Variants in GLIS3 observed in about 807,000 individuals in gnomAD.
GLIS3 encodes GLIS family zinc finger 3.
Under a neutral mutation model 78.6 loss-of-function variants are expected in GLIS3, and 53 were observed. The observed-to-expected ratio is 0.67, with a 90% confidence interval of 0.54 to 0.85. GLIS3 has a LOEUF of 0.85. Ranked by LOEUF, GLIS3 falls within the 40% of genes least tolerant of loss-of-function variation. GLIS3 has a pLI of 0.00. For missense variants in GLIS3, 1,703 were observed against 1,231.1 expected (o/e 1.38, Z -5.74); for synonymous variants, 684 against 509.9 (o/e 1.34, Z -4.60).
rs575495107 is a variant in GLIS3 at position 4,288,691 on chromosome 9, AT to A, written c.-98-2169del. 1.1e-3 allele frequency among the ~76,000 whole-genome samples: 172 copies of A among 151,938 alleles called. 1 individual carries two copies. Among genetic ancestry groups the A allele is most frequent in the African/African-American group, 3.9e-3 (163 of 41,476 alleles). On this transcript the variant is annotated intron_variant, in intron 1 of 10. Coordinates refer to ENST00000381971, the MANE Select transcript of GLIS3 (RefSeq NM_001042413.2). The stretch of plus-strand genomic sequence containing the variant: ...TTGGAATGAATATTTATTTTATTTT[AT>A]TTTTTTTATAAACTACACTCCCGTT...
At chr9:4,414,865 A>G in the GLIS3 span, among the ~76,000 whole-genome samples, 1 of 151,596 alleles carries the variant, frequency 6.6e-6, no homozygotes, top group Non-Finnish European at 1.5e-5. Context: ...GAATCCTGTT[A>G]GGTCAGTTTA....
At chr9:3,854,707 T>A (rs1479696641) in intron 9 of GLIS3, among the ~76,000 whole-genome samples, 3 of 147,308 alleles carry the variant, frequency 2.0e-5, no homozygotes, top group Admixed American at 6.7e-5. Flanking sequence ...TGGCTAATTT[T>A]TTTTTTTTTT....
intron 4 of GLIS3, among the ~76,000 whole-genome samples, chr9:4,065,249 G>C (rs1370022445): frequency 6.6e-6 from 1 of 152,124 alleles, no homozygotes; most frequent in Admixed American, 6.5e-5. Flanking sequence ...ACCCTCCACA[G>C]AGCCCTGCTG....
chr9:3,937,274 G>C (rs1393889180), intron 4 of GLIS3, 85 bp from the exon 5 acceptor site: 9 of 1,398,110 alleles, frequency 6.4e-6, no homozygotes, highest in Admixed American at 3.6e-5. Context: ...AATGTTCTTA[G>C]TTGGTACTTT....
At position 3,829,194 on chromosome 9, in the gene GLIS3, C is replaced by T. The variant is rs573367918; in HGVS notation, c.2656+116G>A. 3.5e-6 allele frequency: 3 copies of T among 863,086 alleles called. No individual in the cohort carries two copies. In the South Asian group the frequency reaches 4.2e-5, roughly 12 times the overall value. 53.5% of individuals were successfully genotyped at this position (863,086 alleles called of 1,614,324 possible). On this transcript the variant is annotated intron_variant, in intron 10 of 10. Transcript: ENST00000381971. ...GAGAGCCATTTCAGGGGTCGTTCAA[C>T]AGGATTTGATGCGGTCATGTGCTTG...
chr9:4,261,469 G>T (rs552098279), intron 2 of GLIS3, among the ~76,000 whole-genome samples: 1 of 152,172 alleles, frequency 6.6e-6, no homozygotes, highest in Non-Finnish European at 1.5e-5. Context: ...AAGAAACAGA[G>T]GTAGGGAAGA....
intron 2 of GLIS3, among the ~76,000 whole-genome samples, chr9:4,247,703 T>C (rs1030272377): frequency 2.6e-5 from 4 of 152,308 alleles, no homozygotes; most frequent in Middle Eastern, 3.4e-3. Context: ...AGAGCTATTA[T>C]TACTTGTAGA....
chr9:4,150,465 C>A (rs1314198098), intron 2 of GLIS3, among the ~76,000 whole-genome samples: 1 of 152,240 alleles, frequency 6.6e-6, no homozygotes, highest in Non-Finnish European at 1.5e-5. Context: ...GTGGCAAGCT[C>A]AGCCAAATCA....
At chr9:3,956,386 A>G (rs1817114059) in intron 4 of GLIS3, among the ~76,000 whole-genome samples, 1 of 152,234 alleles carries the variant, frequency 6.6e-6, no homozygotes, top group South Asian at 2.1e-4. Context: ...CCAAATTAAC[A>G]GAAATGTCCT....
At chr9:3,958,068 T>A (rs1817270605) in intron 4 of GLIS3, among the ~76,000 whole-genome samples, 1 of 152,194 alleles carries the variant, frequency 6.6e-6, no homozygotes, top group Non-Finnish European at 1.5e-5. Context: ...TCCTAACCCA[T>A]GACTGACTTT....
intron 2 of GLIS3, among the ~76,000 whole-genome samples, chr9:4,231,698 T>A (rs988286043): frequency 6.6e-6 from 1 of 152,242 alleles, no homozygotes; most frequent in African/African-American, 2.4e-5. Flanking sequence ...GGAAAACAGC[T>A]GTAAATCAAT....
chr9:4,234,241 G>A lies in GLIS3; in HGVS notation c.388+51797C>T, dbSNP rs79817018. ...ACTTGGCTAAATGTTTGACACAATT[G>A]GTTTTAGACATGCCTTCCTCAATAG... On this transcript the variant is annotated intron_variant, in intron 2 of 10. Coordinates refer to ENST00000381971, the MANE Select transcript of GLIS3 (RefSeq NM_001042413.2). Among the ~76,000 whole-genome samples, 794 of 152,252 alleles carry A rather than the reference G, an allele frequency of 5.2e-3. 2 individuals are homozygous for A. Among genetic ancestry groups the A allele is most frequent in the Non-Finnish European group, 8.1e-3 (551 of 68,014 alleles).
At chr9:4,154,861 CGT>C (rs1834936138) in intron 2 of GLIS3, among the ~76,000 whole-genome samples, 1 of 152,058 alleles carries the variant, frequency 6.6e-6, no homozygotes, top group Non-Finnish European at 1.5e-5. Context: ...TTTGGTACAA[CGT>C]AAGTTCAGTA....
chr9:4,166,957 T>G (rs1815898525), intron 2 of GLIS3, among the ~76,000 whole-genome samples: 1 of 152,222 alleles, frequency 6.6e-6, no homozygotes, highest in South Asian at 2.1e-4. Context: ...TCACGTGTGT[T>G]CCTGTTTGCG....
chr9:4,152,373 A>C (rs1834750442), intron 2 of GLIS3, among the ~76,000 whole-genome samples: 1 of 152,222 alleles, frequency 6.6e-6, no homozygotes, highest in Non-Finnish European at 1.5e-5. Context: ...ATAACATCTC[A>C]AAGGCTTTAA....
chr9:3,965,275 C>T (rs933743887), intron 4 of GLIS3, among the ~76,000 whole-genome samples: 1 of 143,706 alleles, frequency 7.0e-6, no homozygotes, highest in Non-Finnish European at 1.5e-5. Flanking sequence ...CTCACTGCAA[C>T]CTTTGCCTCC....
At chr9:4,252,817 T>C (rs993605856) in intron 2 of GLIS3, among the ~76,000 whole-genome samples, 2 of 152,208 alleles carry the variant, frequency 1.3e-5, no homozygotes. Context: ...TTTTTGCTGA[T>C]GTTGATGCTA....
At chr9:4,405,825 A>C in the GLIS3 span, among the ~76,000 whole-genome samples, 2 of 152,192 alleles carry the variant, frequency 1.3e-5, no homozygotes, top group African/African-American at 4.8e-5. Flanking sequence ...CCTCAACAAA[A>C]TACTAGCAAA....
chr9:4,298,221 G>A lies in GLIS3; in HGVS notation c.-99+1200C>T, dbSNP rs1041482932. Among the ~76,000 whole-genome samples, 4 of 152,132 alleles carry A rather than the reference G, an allele frequency of 2.6e-5. No homozygotes were observed. In the South Asian group the frequency reaches 8.3e-4, roughly 32 times the overall value. On this transcript the variant is annotated intron_variant, in intron 1 of 10. Coordinates refer to ENST00000381971, the MANE Select transcript of GLIS3 (RefSeq NM_001042413.2). The stretch of plus-strand genomic sequence containing the variant: ...GAGCCTGTAGCCCGGGGGCGCCACG[G>A]CCGGGCTCGCAGTCCCCCCACGCCG...
Sources: gnomAD v4.1 joint callset for allele counts (sites outside exome capture counted in the v4.1 genomes callset) on GRCh38, gnomAD v4.1.1 for gene constraint, MANE v1.5 for transcripts, NCBI Gene and HGNC (gene_info 2026-07-23, HGNC 2026-07-21) for gene names.